FMN1: variants seen among roughly 807,000 people sequenced by gnomAD.
The protein encoded by FMN1 is formin-1.
In FMN1, 110 loss-of-function variants were observed where a neutral mutation model predicts 132.4. That is an observed-to-expected ratio of 0.83 (90% CI 0.71 to 0.97). FMN1 has a LOEUF of 0.97. Ranked by LOEUF, FMN1 falls within the 50% of genes least tolerant of loss-of-function variation. The pLI, the probability that FMN1 is intolerant of heterozygous loss-of-function variation, is 0.00. For synonymous variants in FMN1, 722 were observed against 651.7 expected, an observed-to-expected ratio of 1.11 and a Z score of -1.64; for missense variants, 1,792 against 1,705.3, an observed-to-expected ratio of 1.05 and a Z score of -0.90.
intron 17 of FMN1, among the ~76,000 whole-genome samples, chr15:32,827,578 C>T (rs1168402766): frequency 2.6e-5 from 4 of 152,108 alleles, no homozygotes; most frequent in South Asian, 2.1e-4. Context: ...AGGCCGGACG[C>T]GGTGGCTCAT....
intron 7 of FMN1, among the ~76,000 whole-genome samples, chr15:32,991,872 A>C (rs977333662): frequency 1.3e-5 from 2 of 152,158 alleles, no homozygotes; most frequent in African/African-American, 2.4e-5. Flanking sequence ...ACAAGAGAAC[A>C]ACCTCTTGAT....
At chr15:33,123,879 G>C (rs1962798129) in intron 4 of FMN1, among the ~76,000 whole-genome samples, 1 of 152,190 alleles carries the variant, frequency 6.6e-6, no homozygotes. Flanking sequence ...CAGGCATGGA[G>C]CTCAAATGAT....
chr15:33,191,156 C>T (rs545185428), intron 2 of FMN1, among the ~76,000 whole-genome samples: 17 of 144,128 alleles, frequency 1.2e-4, no homozygotes, highest in Non-Finnish European at 2.4e-4. Context: ...GGCAACAGAG[C>T]GAGACTCCAT....
intron 16 of FMN1, among the ~76,000 whole-genome samples, chr15:32,886,845 C>T (rs769259868): frequency 3.9e-5 from 6 of 152,128 alleles, no homozygotes; most frequent in Non-Finnish European, 8.8e-5. Context: ...TAGCTTACTA[C>T]GCTTTATTAC....
intron 6 of FMN1, among the ~76,000 whole-genome samples, chr15:33,010,499 G>T (rs2034654068): frequency 6.6e-6 from 1 of 151,976 alleles, no homozygotes; most frequent in Admixed American, 6.6e-5. Context: ...TATTATATTG[G>T]TAAATATTTT....
chr15:32,926,088 A>G, intron 10 of FMN1, 86 bp downstream of exon 10: 1 of 755,358 alleles, frequency 1.3e-6, no homozygotes, highest in South Asian at 1.7e-5. Context: ...AGGGCATTCT[A>G]ACTTTGTATG....
At chr15:33,089,484 T>C (rs2038828453) in intron 4 of FMN1, among the ~76,000 whole-genome samples, 1 of 152,230 alleles carries the variant, frequency 6.6e-6, no homozygotes, top group African/African-American at 2.4e-5. Context: ...AAACCCATTT[T>C]GGATTCGCTT....
chr15:32,891,397 G>A (rs1485123280), intron 15 of FMN1, among the ~76,000 whole-genome samples: 6 of 152,142 alleles, frequency 3.9e-5, no homozygotes, highest in Non-Finnish European at 5.9e-5. Flanking sequence ...ACAGGCACCC[G>A]CCACCACGCC....
At chr15:32,885,954 A>G (rs1027437413) in intron 16 of FMN1, among the ~76,000 whole-genome samples, 2 of 152,162 alleles carry the variant, frequency 1.3e-5, no homozygotes, top group Admixed American at 1.3e-4. Context: ...ATAAACCTCA[A>G]AGCCTCATCA....
chr15:32,887,414 C>T (rs1427735893), intron 16 of FMN1, among the ~76,000 whole-genome samples: 1 of 152,042 alleles, frequency 6.6e-6, no homozygotes, highest in African/African-American at 2.4e-5. Flanking sequence ...AGTAAAAACA[C>T]GAGACTCTAG....
chr15:32,782,654 A>C (rs886162099), intron 19 of FMN1, among the ~76,000 whole-genome samples: 1 of 152,206 alleles, frequency 6.6e-6, no homozygotes, highest in African/African-American at 2.4e-5. Context: ...GCATTTAATC[A>C]AAGAAAATTT....
intron 4 of FMN1, among the ~76,000 whole-genome samples, chr15:33,098,369 A>C (rs2039165585): frequency 6.6e-6 from 1 of 152,090 alleles, no homozygotes; most frequent in South Asian, 2.1e-4. Flanking sequence ...TGCTTCCTGA[A>C]TGCTGAATGC....
chr15:32,842,980 A>G (rs1477375883), intron 17 of FMN1, among the ~76,000 whole-genome samples: 1 of 152,008 alleles, frequency 6.6e-6, no homozygotes. Context: ...ACAAGAAATT[A>G]GCCGGGCATG....
At chr15:33,070,382 TG>T (rs1377695248) in intron 5 of FMN1, among the ~76,000 whole-genome samples, 1 of 124,768 alleles carries the variant, frequency 8.0e-6, no homozygotes, top group Non-Finnish European at 1.7e-5. Context: ...GGCACGTATT[TG>T]GTCTTTTTTT....
At chr15:33,099,166 C>G (rs1389556917) in intron 4 of FMN1, among the ~76,000 whole-genome samples, 2 of 152,116 alleles carry the variant, frequency 1.3e-5, no homozygotes, top group East Asian at 3.9e-4. Flanking sequence ...TGGCGCGCAC[C>G]TGTAGTCTCA....
chr15:32,782,079 T>C (rs992196834), intron 19 of FMN1, among the ~76,000 whole-genome samples: 15 of 152,246 alleles, frequency 9.9e-5, no homozygotes, highest in Admixed American at 1.3e-4. Flanking sequence ...CCAGAAGTAA[T>C]TGCTCTTTTC....
Position 32,899,785 on chromosome 15 carries a change from G to GAAAAAAA in FMN1, c.3654+187_3654+193dup. ...AGTAATTGAAAATAAAGTCTAACGT[G>GAAAAAAA]AAAAAAAAAAACCAAACAAAACTCT... On this transcript the variant is annotated intron_variant, in intron 14 of 20. Transcript: ENST00000616417. 3 of 547,072 alleles carry GAAAAAAA rather than the reference G, an allele frequency of 5.5e-6. No individual in the cohort carries two copies. The South Asian group carries it at 7.1e-5, about 13-fold the overall frequency. 33.9% of individuals were successfully genotyped at this position (547,072 alleles called of 1,614,324 possible).
At chr15:33,018,140 T>C (rs1258206699) in intron 6 of FMN1, among the ~76,000 whole-genome samples, 4 of 151,996 alleles carry the variant, frequency 2.6e-5, no homozygotes, top group African/African-American at 9.7e-5. Flanking sequence ...ATGGAGCCTT[T>C]GGGAGGTGAT....
intron 9 of FMN1, among the ~76,000 whole-genome samples, chr15:32,943,825 A>C (rs540373613): frequency 6.6e-6 from 1 of 152,334 alleles, no homozygotes; most frequent in South Asian, 2.1e-4. Flanking sequence ...CCAAATCAAA[A>C]AATCTTCTAA....
Sources: gnomAD v4.1 joint callset for allele counts (sites outside exome capture counted in the v4.1 genomes callset) on GRCh38, gnomAD v4.1.1 for gene constraint, MANE v1.5 for transcripts, NCBI Gene and HGNC (gene_info 2026-07-23, HGNC 2026-07-21) for gene names.